The following COMMD1 variants were observed in gnomAD, a reference collection of about 807,000 sequenced individuals.
COMMD1 encodes copper metabolism domain containing 1.
In COMMD1, 10 loss-of-function variants were observed where a neutral mutation model predicts 17.2. That is an observed-to-expected ratio of 0.58 (90% CI 0.36 to 0.99). The LOEUF (loss-of-function observed/expected upper bound fraction) is 0.99, where lower values mean the gene tolerates loss of function less well. Among genes scored for constraint, COMMD1 ranks in the 50% least tolerant of loss-of-function variants. COMMD1 has a pLI of 0.01. For synonymous variants in COMMD1, 97 were observed against 91.6 expected (o/e 1.06, Z -0.34); for missense variants, 270 against 231.8 (o/e 1.17, Z -1.07).
chr2:62,085,782 A>G (rs911125356), intron 2 of COMMD1, among the ~76,000 whole-genome samples: 3 of 151,192 alleles, frequency 2.0e-5, no homozygotes, highest in Non-Finnish European at 4.4e-5. Context: ...GATCGAGACC[A>G]TCCTGGCTAA....
chr2:61,995,410 T>TAAACTGA (rs1348136935), intron 1 of COMMD1, among the ~76,000 whole-genome samples: 1 of 152,242 alleles, frequency 6.6e-6, no homozygotes, highest in Non-Finnish European at 1.5e-5. Context: ...TATTCACTGT[T>TAAACTGA]AAACTGAGCT....
rs539330533 is a variant in COMMD1, at chr2:62,088,315, T to G, written c.463-47516T>G. On this transcript the variant is annotated intron_variant, in intron 2 of 2. Coordinates refer to ENST00000311832, the MANE Select transcript of COMMD1 (RefSeq NM_152516.4). ...CTTGTGAGCTGCTTCCAGATTCATG[T>G]CTTTAGCTCTCCCTTTTTCTCAAAA... 2.6e-5 allele frequency among the ~76,000 whole-genome samples: 4 copies of G among 152,346 alleles called. No homozygotes were observed. In the East Asian group the frequency reaches 7.7e-4, roughly 29 times the overall value.
At chr2:61,944,400 A>G (rs892324112) in intron 1 of COMMD1, among the ~76,000 whole-genome samples, 6 of 152,106 alleles carry the variant, frequency 3.9e-5, no homozygotes, top group Admixed American at 3.9e-4. Context: ...GCAGTGAGCC[A>G]TGATGGTGTC....
At chr2:61,999,952 C>T (rs1430693109) in intron 1 of COMMD1, among the ~76,000 whole-genome samples, 4 of 132,954 alleles carry the variant, frequency 3.0e-5, no homozygotes, top group Non-Finnish European at 3.0e-5. Context: ...TGAGTGCAGT[C>T]TTGCTCTGTC....
chr2:62,045,469 T>C (rs1282602691), intron 2 of COMMD1, among the ~76,000 whole-genome samples: 12 of 152,094 alleles, frequency 7.9e-5, no homozygotes, highest in African/African-American at 2.7e-4. Flanking sequence ...TTGTGGCCTT[T>C]GATTAGTCTT....
rs576141571 is a variant in COMMD1 at position 62,103,256 on chromosome 2, A to T, written c.463-32575A>T. On this transcript the variant is annotated intron_variant, in intron 2 of 2. Transcript: ENST00000311832. The stretch of plus-strand genomic sequence containing the variant: ...CTCCCAAAGTGCTGGGATTACAGGC[A>T]TGAGCCACTGCGCCCGGCCTCCAAT... Among the ~76,000 whole-genome samples the T allele has an allele frequency of 1.8e-4, 28 of 152,316 alleles. No individual in the cohort carries two copies. In the East Asian group the frequency reaches 5.4e-3, roughly 29 times the overall value.
chr2:61,997,386 A>T (rs1052782388), intron 1 of COMMD1, among the ~76,000 whole-genome samples: 19 of 152,120 alleles, frequency 1.2e-4, no homozygotes, highest in African/African-American at 3.9e-4. Context: ...TAAAAAAAAA[A>T]AAGACTTTAC....
At chr2:61,972,270 CTAAT>C (rs1404813126) in intron 1 of COMMD1, among the ~76,000 whole-genome samples, 3 of 152,146 alleles carry the variant, frequency 2.0e-5, no homozygotes, top group Non-Finnish European at 2.9e-5. Flanking sequence ...AAAATGATCT[CTAAT>C]TATACTGCTG....
intron 1 of COMMD1, among the ~76,000 whole-genome samples, chr2:61,966,109 C>T (rs897700642): frequency 6.6e-6 from 1 of 152,196 alleles, no homozygotes; most frequent in Admixed American, 6.5e-5. Context: ...CATAGGTGTT[C>T]TGTTACATGC....
chr2:62,099,991 A>T (rs1319437810), intron 2 of COMMD1, among the ~76,000 whole-genome samples: 1 of 152,166 alleles, frequency 6.6e-6, no homozygotes, highest in African/African-American at 2.4e-5. Context: ...CGCAAAGTGC[A>T]CACAGACAAG....
chr2:61,892,839 G>A lies in COMMD1; in HGVS notation n.119+3997G>A, dbSNP rs116760740. Among the ~76,000 whole-genome samples, 1,072 of 151,758 alleles carry A rather than the reference G, an allele frequency of 7.1e-3. 43 individuals are homozygous for A. Among genetic ancestry groups the A allele is most frequent in the African/African-American group, 0.025 (1,011 of 41,204 alleles). ...ATTATCGAGACCACCATTAAGCCCCGTTTTCCTAAGCCTTACTGTTTGCAT... is the reference window on the plus strand; with the variant it reads ...ATTATCGAGACCACCATTAAGCCCCATTTTCCTAAGCCTTACTGTTTGCAT... On this transcript the variant is annotated intron_variant and non_coding_transcript_variant, in intron 1 of 2. Transcript: ENST00000472729.
At chr2:61,891,580 T>C (rs1452159215) in intron 1 of COMMD1, among the ~76,000 whole-genome samples, 1 of 151,696 alleles carries the variant, frequency 6.6e-6, no homozygotes, top group African/African-American at 2.4e-5. Context: ...ATACAAAAAT[T>C]AGCCAGGCGT....
intron 2 of COMMD1, among the ~76,000 whole-genome samples, chr2:62,093,504 A>G (rs554484158): frequency 6.6e-6 from 1 of 152,292 alleles, no homozygotes; most frequent in South Asian, 2.1e-4. Context: ...ATAATTACTT[A>G]CTTGGGTCAA....
At chr2:61,931,195 C>T (rs1472860969) in intron 1 of COMMD1, among the ~76,000 whole-genome samples, 1 of 151,994 alleles carries the variant, frequency 6.6e-6, no homozygotes, top group Non-Finnish European at 1.5e-5. Flanking sequence ...GCCTGTAGTC[C>T]TAGCTACTCA....
chr2:62,072,616 C>T (rs993938157), intron 2 of COMMD1, among the ~76,000 whole-genome samples: 1 of 152,234 alleles, frequency 6.6e-6, no homozygotes, highest in African/African-American at 2.4e-5. Flanking sequence ...GGCCAGCTCA[C>T]CAAGCTGCAG....
chr2:61,890,656 C>T (rs1397054583), intron 1 of COMMD1, among the ~76,000 whole-genome samples: 1 of 151,792 alleles, frequency 6.6e-6, no homozygotes, highest in Non-Finnish European at 1.5e-5. Context: ...GCCTAGCCAA[C>T]GTGGCGAAAC....
At chr2:61,967,821 G>A (rs1194194902) in intron 1 of COMMD1, among the ~76,000 whole-genome samples, 1 of 152,100 alleles carries the variant, frequency 6.6e-6, no homozygotes, top group African/African-American at 2.4e-5. Flanking sequence ...TTGAGAACTG[G>A]CTCTCATCAC....
intron 2 of COMMD1, among the ~76,000 whole-genome samples, chr2:62,047,346 C>T (rs1670409608): frequency 6.6e-6 from 1 of 152,138 alleles, no homozygotes; most frequent in Non-Finnish European, 1.5e-5. Flanking sequence ...ATAAATTCTA[C>T]AGTAGTATAC....
Position 62,011,503 on chromosome 2 carries a change from T to C in COMMD1, c.462+10521T>C, listed in dbSNP as rs1046177417. ...AGATTAGCATTTAAGAGGACAAAGA[T>C]TTTTTTTTTTTAATTGCTGCATCCT... On this transcript the variant is annotated intron_variant, in intron 2 of 2. Coordinates refer to ENST00000311832, the MANE Select transcript of COMMD1 (RefSeq NM_152516.4). 2.0e-5 allele frequency among the ~76,000 whole-genome samples: 3 copies of C among 147,214 alleles called. No homozygotes were observed. The Admixed American group carries it at 2.0e-4, about 10-fold the overall frequency.
Sources: gnomAD v4.1 joint callset for allele counts (sites outside exome capture counted in the v4.1 genomes callset) on GRCh38, gnomAD v4.1.1 for gene constraint, MANE v1.5 for transcripts, NCBI Gene and HGNC (gene_info 2026-07-23, HGNC 2026-07-21) for gene names.